PDE10A: variants seen among roughly 807,000 people sequenced by gnomAD.
PDE10A encodes the protein cAMP and cAMP-inhibited cGMP 3',5'-cyclic phosphodiesterase 10A.
Under a neutral mutation model 97.7 loss-of-function variants are expected in PDE10A, and 39 were observed. The ratio of observed to expected loss-of-function variants is 0.40; its 90% CI spans 0.31 to 0.52. The LOEUF is 0.52. Among genes scored for constraint, PDE10A ranks in the 20% least tolerant of loss-of-function variants. The probability of loss-of-function intolerance (pLI) is 0.56; values close to 1 mark genes in which losing one functional copy is unlikely to be tolerated. For synonymous variants in PDE10A, 371 were observed against 376.8 expected, an observed-to-expected ratio of 0.98 and a Z score of 0.18; for missense variants, 731 against 1,047.8, an observed-to-expected ratio of 0.70 and a Z score of 4.17.
chr6:165,467,237 C>G (rs913934769), intron 3 of PDE10A, among the ~76,000 whole-genome samples: 2 of 152,182 alleles, frequency 1.3e-5, no homozygotes, highest in Non-Finnish European at 2.9e-5. Flanking sequence ...GCAGCAAGTA[C>G]TGATGGAGAA....
intron 13 of PDE10A, among the ~76,000 whole-genome samples, chr6:165,409,206 G>C (rs573436243): frequency 6.6e-6 from 1 of 150,578 alleles, no homozygotes; most frequent in Admixed American, 6.6e-5. Flanking sequence ...AAATTCCACA[G>C]AGAGCTTGCA....
chr6:165,904,932 G>C (rs567578979), intron 1 of PDE10A, among the ~76,000 whole-genome samples: 3 of 152,206 alleles, frequency 2.0e-5, no homozygotes, highest in Non-Finnish European at 4.4e-5. Flanking sequence ...TAATAGATTT[G>C]AGTTTTCTTT....
intron 1 of PDE10A, among the ~76,000 whole-genome samples, chr6:165,718,591 C>T (rs1052186813): frequency 1.3e-5 from 2 of 152,124 alleles, no homozygotes; most frequent in East Asian, 3.9e-4. Context: ...AACCTCCCTG[C>T]TCTCTTCCTG....
At chr6:165,598,706 T>C (rs760608734) in intron 1 of PDE10A, among the ~76,000 whole-genome samples, 10 of 152,222 alleles carry the variant, frequency 6.6e-5, no homozygotes, top group Non-Finnish European at 1.2e-4. Context: ...GGTTCTTCTA[T>C]TAAGCTCATA....
intron 1 of PDE10A, among the ~76,000 whole-genome samples, chr6:165,708,805 C>G (rs1397577796): frequency 1.6e-5 from 2 of 123,536 alleles, no homozygotes; most frequent in African/African-American, 6.4e-5. Flanking sequence ...CGCGCTCTCC[C>G]CACACTCTCC....
Position 165,646,016 on chromosome 6 carries a change from G to A in PDE10A, c.865+15931C>T, listed in dbSNP as rs554496027. 1.1e-4 allele frequency among the ~76,000 whole-genome samples: 17 copies of A among 152,258 alleles called. No homozygotes were observed. In the East Asian group the frequency reaches 2.7e-3, roughly 24 times the overall value. On this transcript the variant is annotated intron_variant, in intron 1 of 21. Transcript: ENST00000539869. Reference sequence around the variant, plus strand: ...AAAGGGAGGCAAAATAACCCAGCAAGACAAACAGCAGGTCAAATCCTAAAA... The same window carrying A: ...AAAGGGAGGCAAAATAACCCAGCAAAACAAACAGCAGGTCAAATCCTAAAA...
intron 3 of PDE10A, among the ~76,000 whole-genome samples, chr6:165,482,066 T>C (rs1779635171): frequency 1.3e-5 from 2 of 152,200 alleles, no homozygotes; most frequent in South Asian, 4.1e-4. Flanking sequence ...TGTTGGCAAC[T>C]GACTCAGAAA....
intron 21 of PDE10A, among the ~76,000 whole-genome samples, chr6:165,335,779 C>T (rs1213805852): frequency 6.6e-6 from 1 of 152,028 alleles, no homozygotes; most frequent in African/African-American, 2.4e-5. Flanking sequence ...AAGGGTCTCC[C>T]ACACCGAGAC....
chr6:165,914,603 A>C (rs575519010), intron 1 of PDE10A, among the ~76,000 whole-genome samples: 1 of 152,198 alleles, frequency 6.6e-6, no homozygotes, highest in Non-Finnish European at 1.5e-5. Context: ...GTTGTCACCA[A>C]CTCAGACAGA....
chr6:165,498,760 T>C (rs908547403), intron 2 of PDE10A, among the ~76,000 whole-genome samples: 6 of 152,208 alleles, frequency 3.9e-5, no homozygotes, highest in Non-Finnish European at 7.3e-5. Context: ...TCATGTGCTG[T>C]AAAAGTTCCT....
At chr6:165,853,252 C>T (rs1170952170) in intron 1 of PDE10A, among the ~76,000 whole-genome samples, 2 of 152,180 alleles carry the variant, frequency 1.3e-5, no homozygotes, top group Non-Finnish European at 2.9e-5. Flanking sequence ...AGCCATTTCA[C>T]ATTGGAAAAC....
intron 1 of PDE10A, among the ~76,000 whole-genome samples, chr6:165,859,128 T>A (rs1293953379): frequency 6.6e-6 from 1 of 152,160 alleles, no homozygotes; most frequent in Non-Finnish European, 1.5e-5. Context: ...AAACAAAACT[T>A]AATTTTATGT....
At chr6:165,798,388 T>G (rs2128464945) in intron 1 of PDE10A, among the ~76,000 whole-genome samples, 1 of 152,304 alleles carries the variant, frequency 6.6e-6, no homozygotes, top group South Asian at 2.1e-4. Flanking sequence ...GTGCTCCTGT[T>G]GCAAGACCCA....
intron 1 of PDE10A, among the ~76,000 whole-genome samples, chr6:165,976,892 C>T (rs1784865329): frequency 6.6e-6 from 1 of 152,220 alleles, no homozygotes; most frequent in African/African-American, 2.4e-5. Flanking sequence ...CCCACACGCT[C>T]TCCTGGAGCA....
intron 1 of PDE10A, among the ~76,000 whole-genome samples, chr6:165,757,848 T>C (rs1352773046): frequency 2.6e-5 from 4 of 152,230 alleles, no homozygotes; most frequent in Admixed American, 2.0e-4. Flanking sequence ...ATTAGAATGA[T>C]GACATAATTT....
intron 1 of PDE10A, among the ~76,000 whole-genome samples, chr6:165,703,118 G>A (rs952596800): frequency 3.3e-5 from 5 of 152,196 alleles, no homozygotes; most frequent in African/African-American, 1.2e-4. Flanking sequence ...TGTTGCAAAG[G>A]CCAGGTTCTC....
At chr6:165,913,020 A>G (rs1387499608) in intron 1 of PDE10A, among the ~76,000 whole-genome samples, 1 of 152,204 alleles carries the variant, frequency 6.6e-6, no homozygotes, top group Non-Finnish European at 1.5e-5. Context: ...GAGTGCTGTT[A>G]CAAGGCTGCA....
At chr6:165,780,165 A>G (rs1001850069) in intron 1 of PDE10A, 2 of 152,242 alleles carry the variant, frequency 1.3e-5, no homozygotes, top group Admixed American at 6.5e-5. Flanking sequence ...TTTAATAAAT[A>G]AAAATACTAA....
At chr6:165,648,566 C>T (rs577228487) in intron 1 of PDE10A, among the ~76,000 whole-genome samples, 6 of 152,152 alleles carry the variant, frequency 3.9e-5, no homozygotes, top group South Asian at 2.1e-4. Flanking sequence ...ATCAGCCATA[C>T]GCAGTACTTT....
Sources: allele counts gnomAD v4.1 joint callset (sites outside exome capture counted in the v4.1 genomes callset), GRCh38; gene constraint gnomAD v4.1.1; transcripts MANE v1.5; gene names NCBI Gene and HGNC (gene_info 2026-07-23, HGNC 2026-07-21).